Variants in PCNX2 observed in about 807,000 individuals in gnomAD.
The protein encoded by PCNX2 is pecanex 2.
In PCNX2, 168 loss-of-function variants were observed where a neutral mutation model predicts 223.8. The ratio of observed to expected loss-of-function variants is 0.75; its 90% confidence interval spans 0.66 to 0.85. PCNX2 has a LOEUF of 0.85. Among genes scored for constraint, PCNX2 ranks in the 40% least tolerant of loss-of-function variants. The probability of loss-of-function intolerance (pLI) is 0.00; values close to 1 mark genes in which losing one functional copy is unlikely to be tolerated. For synonymous variants in PCNX2, 1,006 were observed against 1,052.6 expected (o/e 0.96, Z 0.86); for missense variants, 2,507 against 2,675.5 (o/e 0.94, Z 1.39).
chr1:233,218,053 C>T lies in PCNX2; in HGVS notation c.2636G>A (p.Ser879Asn). The change falls in exon 11 of 34, where the codon AGC becomes AAC. Residue 879 changes from serine to asparagine, a missense_variant. By Grantham distance (46) the Ser-to-Asn change is conservative. Around this residue, in one of 3 missense-constraint regions of PCNX2, gnomAD observed 104 missense variants for 144.4 expected, o/e 0.72. Coordinates refer to ENST00000258229, the MANE Select transcript of PCNX2 (RefSeq NM_014801.4). ...WVLLFCLVMA[S>N]CQYSLLKSVQ... ...TGCCTTTAGCAGGGAGTACTGGCAG[C>T]TGGCCATGACGAGGCAGAAGAGGAG... 1.2e-6 allele frequency: 2 copies of T among 1,604,378 alleles called. No homozygotes were observed. Among genetic ancestry groups the T allele is most frequent in the Admixed American group, 1.7e-5 (1 of 58,530 alleles).
the PCNX2 span, among the ~76,000 whole-genome samples, chr1:233,324,670 G>A: frequency 6.9e-6 from 1 of 144,418 alleles, no homozygotes; most frequent in South Asian, 2.2e-4. Context: ...GCATGATCTC[G>A]GCTCACTGCA....
In PCNX2 at chr1:233,074,594, CAAAAAAAAAAA is replaced by C. The variant is rs531631109; in HGVS notation, c.4076+15456_4076+15466del. 5.9e-4 allele frequency among the ~76,000 whole-genome samples: 28 copies of C among 47,708 alleles called. No homozygotes were observed. In the East Asian group the frequency reaches 0.018, roughly 31 times the overall value. 31.3% of individuals were successfully genotyped at this position (47,708 alleles called of 152,430 possible). ...TGGGCGACAGAGCGAGACTCCGTCT[CAAAAAAAAAAA>C]AAAAAAAAAAAAAAAAAAGAGGACG... On this transcript the variant is annotated intron_variant, in intron 23 of 33. Transcript: ENST00000258229.
At chr1:233,108,559 C>G (rs1674936943) in intron 21 of PCNX2, among the ~76,000 whole-genome samples, 1 of 152,234 alleles carries the variant, frequency 6.6e-6, no homozygotes, top group Admixed American at 6.5e-5. Flanking sequence ...AAGAACATGT[C>G]TGATGTGGCG....
chr1:233,286,320 G>C (rs193246914), intron 1 of PCNX2, among the ~76,000 whole-genome samples: 2 of 152,150 alleles, frequency 1.3e-5, no homozygotes, highest in Admixed American at 6.5e-5. Flanking sequence ...ATTTGGGTGG[G>C]GGTAGAAGGC....
rs185326422 is a variant in PCNX2, at chr1:233,000,267, C to T, written c.5328+38G>A. On this transcript the variant is annotated intron_variant, in intron 30 of 33. Coordinates refer to ENST00000258229, the MANE Select transcript of PCNX2 (RefSeq NM_014801.4). This position sits in a 1 kb window ranked among gnomAD's most constrained non-coding sequence, Gnocchi z 4.6. Reference sequence around the variant, plus strand: ...CTATTTCTTCTCAGATAGAGAGACACGAGCCAACAGGGGACCCAGAAAGTG... The same window carrying T: ...CTATTTCTTCTCAGATAGAGAGACATGAGCCAACAGGGGACCCAGAAAGTG... 3.0e-5 allele frequency: 48 copies of T among 1,585,760 alleles called. No individual in the cohort carries two copies. The highest frequency in any genetic ancestry group is 1.7e-4 in the Middle Eastern group (1 of 5,992).
intron 15 of PCNX2, among the ~76,000 whole-genome samples, chr1:233,182,882 A>T (rs374757286): frequency 1.4e-4 from 21 of 151,874 alleles, no homozygotes; most frequent in South Asian, 8.3e-4. Context: ...ACCTTTAAAC[A>T]TCTCTAGGGT....
At position 233,199,476 on chromosome 1, in the gene PCNX2, T is replaced by C. The variant is rs141940932; in HGVS notation, c.2975-446A>G. Among the ~76,000 whole-genome samples, 510 of 152,248 alleles carry C rather than the reference T, an allele frequency of 3.3e-3. 6 individuals carry two copies. The highest frequency in any genetic ancestry group is 0.012 in the African/African-American group (494 of 41,542). ...ATGTGTGTGTGTGTGTGTACGTGTA[T>C]GTGTTATGGGGGTGGTAACAGTGAT... On this transcript the variant is annotated intron_variant, in intron 14 of 33. Transcript: ENST00000258229.
intron 25 of PCNX2, among the ~76,000 whole-genome samples, chr1:233,033,897 T>G (rs116283144): frequency 0.018 from 2,701 of 152,228 alleles, 80 homozygotes; most frequent in African/African-American, 0.062. Flanking sequence ...ATTGAAACCC[T>G]ATCCTCCAAG....
the PCNX2 span, among the ~76,000 whole-genome samples, chr1:233,318,743 T>G: frequency 6.6e-6 from 1 of 151,962 alleles, no homozygotes; most frequent in African/African-American, 2.4e-5. Context: ...AGTTTTGTAT[T>G]TTTAGTAGAG....
chr1:233,298,413 G>C (rs1424259718), upstream of PCNX2, among the ~76,000 whole-genome samples: 1 of 152,212 alleles, frequency 6.6e-6, no homozygotes, highest in Non-Finnish European at 1.5e-5. Context: ...AGATGATAAA[G>C]TGGGCAGGTG....
At chr1:233,027,954 G>T (rs1346506443) in intron 25 of PCNX2, among the ~76,000 whole-genome samples, 1 of 152,142 alleles carries the variant, frequency 6.6e-6, no homozygotes, top group Non-Finnish European at 1.5e-5. Context: ...TTTTCATTCA[G>T]TTCAGTTATT....
chr1:233,072,802 T>C (rs931122617), intron 23 of PCNX2, among the ~76,000 whole-genome samples: 1 of 152,216 alleles, frequency 6.6e-6, no homozygotes, highest in Admixed American at 6.5e-5. Context: ...TGAGGATTTC[T>C]GCATCTACAT....
intron 15 of PCNX2, among the ~76,000 whole-genome samples, chr1:233,183,110 G>A (rs1679897778): frequency 6.6e-6 from 1 of 152,070 alleles, no homozygotes; most frequent in Non-Finnish European, 1.5e-5. Context: ...TTGTTAGCTC[G>A]AACTCAAAGG....
intron 23 of PCNX2, among the ~76,000 whole-genome samples, chr1:233,079,470 A>G (rs571502479): frequency 2.8e-4 from 42 of 150,700 alleles, no homozygotes; most frequent in African/African-American, 9.5e-4. Context: ...GGAGGTTGCA[A>G]TGAGCCGAGA....
intron 28 of PCNX2, among the ~76,000 whole-genome samples, chr1:233,011,874 C>T (rs1670480407): frequency 1.3e-5 from 2 of 152,274 alleles, no homozygotes; most frequent in South Asian, 4.2e-4. Flanking sequence ...ACGTGTTTCC[C>T]TGGATTCTGT....
At chr1:233,315,919 A>T in the PCNX2 span, among the ~76,000 whole-genome samples, 1 of 152,228 alleles carries the variant, frequency 6.6e-6, no homozygotes, top group Non-Finnish European at 1.5e-5. Flanking sequence ...TTGTAAATAC[A>T]ATAAAACCAA....
rs1669372368 is a variant in PCNX2, at chr1:232,984,206, G to A, written c.*98C>T. On this transcript the variant is annotated 3_prime_UTR_variant, in exon 34 of 34. Transcript: ENST00000258229. ...CCACAGGAGGAGTCCCTCATGGATC[G>A]CGGTATTGGTTGGTTGTGGTGATTT... is the stretch of plus-strand genomic sequence containing the variant. 8 of 1,138,508 alleles carry A rather than the reference G, an allele frequency of 7.0e-6. No individual in the cohort carries two copies. Among genetic ancestry groups the A allele is most frequent in the Non-Finnish European group, 9.2e-6 (8 of 873,346 alleles). The allele number at this position is 1,138,508 out of a possible 1,614,324, so 70.5% of individuals were successfully genotyped here. A position where few individuals can be genotyped will look rare whatever the true frequency, so the allele number is the denominator to read the frequency against.
At chr1:233,057,453 CATG>C in intron 23 of PCNX2, 163 bp from the exon 24 acceptor site, 1 of 618,594 alleles carries the variant, frequency 1.6e-6, no homozygotes, top group African/African-American at 1.8e-5. Flanking sequence ...AGAGGAGTCT[CATG>C]ATAAGAGATA....
chr1:233,205,415 C>A (rs573009150), intron 13 of PCNX2, among the ~76,000 whole-genome samples: 2 of 152,110 alleles, frequency 1.3e-5, no homozygotes, highest in Admixed American at 1.3e-4. Flanking sequence ...GACTTTTGGC[C>A]GGGCATGGTG....
Sources: allele counts gnomAD v4.1 joint callset (sites outside exome capture counted in the v4.1 genomes callset), GRCh38; gene constraint gnomAD v4.1.1; regional missense constraint gnomAD v4.1.1; non-coding constraint Gnocchi (gnomAD v3.1); transcripts MANE v1.5; gene names NCBI Gene and HGNC (gene_info 2026-07-23, HGNC 2026-07-21).